Variants in DGKI observed in about 807,000 individuals in gnomAD.
The protein encoded by DGKI is DAG kinase iota.
DGKI carries 55 observed loss-of-function variants against 147.5 expected under a neutral mutation model. The ratio of observed to expected loss-of-function variants is 0.37; its 90% CI spans 0.30 to 0.47. DGKI has a LOEUF of 0.47. Among genes scored for constraint, DGKI ranks in the 20% least tolerant of loss-of-function variants. The pLI is 1.00. For synonymous variants in DGKI, 469 were observed against 477.1 expected, an observed-to-expected ratio of 0.98 and a Z score of 0.22; for missense variants, 1,007 against 1,323.8, an observed-to-expected ratio of 0.76 and a Z score of 3.71.
chr7:137,511,757 T>C (rs1047256488), intron 21 of DGKI, among the ~76,000 whole-genome samples: 1 of 152,206 alleles, frequency 6.6e-6, no homozygotes, highest in African/African-American at 2.4e-5. Flanking sequence ...AATGCATTCA[T>C]GTTAGGATTG....
At chr7:137,773,906 C>T (rs1412495303) in intron 1 of DGKI, among the ~76,000 whole-genome samples, 1 of 152,148 alleles carries the variant, frequency 6.6e-6, no homozygotes, top group Non-Finnish European at 1.5e-5. Context: ...TGATTCAGAT[C>T]CAAGGCTGCC....
intron 19 of DGKI, among the ~76,000 whole-genome samples, chr7:137,557,998 C>T (rs1818283702): frequency 6.6e-6 from 1 of 152,174 alleles, no homozygotes. Flanking sequence ...ATGGGTTGAC[C>T]TCTTTTCAGT....
chr7:137,845,707 T>C (rs894993666), intron 1 of DGKI, among the ~76,000 whole-genome samples: 1 of 152,150 alleles, frequency 6.6e-6, no homozygotes, highest in Admixed American at 6.5e-5. Context: ...AGGCCATTGA[T>C]CCCACACTGT....
intron 30 of DGKI, among the ~76,000 whole-genome samples, chr7:137,406,661 C>T (rs1024291231): frequency 6.6e-6 from 1 of 152,150 alleles, no homozygotes; most frequent in Non-Finnish European, 1.5e-5. Flanking sequence ...TTACTATAAA[C>T]AATTGGCAAA....
At chr7:137,751,821 C>T (rs539086069) in intron 1 of DGKI, among the ~76,000 whole-genome samples, 30 of 152,180 alleles carry the variant, frequency 2.0e-4, no homozygotes, top group African/African-American at 6.7e-4. Context: ...ACTTTATTTA[C>T]AAAAATTGAC....
At chr7:137,403,571 G>T (rs2128896729) in intron 30 of DGKI, among the ~76,000 whole-genome samples, 1 of 152,268 alleles carries the variant, frequency 6.6e-6, no homozygotes, top group East Asian at 1.9e-4. Flanking sequence ...GCTGCAGGAA[G>T]CAAAGGAAGT....
rs1811200244 is a variant in DGKI at position 137,387,172 on chromosome 7, G to A, written c.*4048C>T. The A allele has an allele frequency of 6.6e-6, 1 of 152,078 alleles. No homozygotes were observed. Among genetic ancestry groups the A allele is most frequent in the Admixed American group, 6.6e-5 (1 of 15,242 alleles). The allele number at this position is 152,078 out of a possible 1,614,324, so 9.4% of individuals were successfully genotyped here. A position where few individuals can be genotyped will look rare whatever the true frequency, so the allele number is the denominator to read the frequency against. On this transcript the variant is annotated 3_prime_UTR_variant, in exon 33 of 33. Transcript: ENST00000614521. ...GAGTGTTAGTGTTACAAACAGCCTT[G>A]TAAAGTGGTGTAAGCATCACAGAGG...
In DGKI at chr7:137,618,127, C is replaced by CTATATA. The variant is rs1164221520; in HGVS notation, c.993+1691_993+1696dup. Among the ~76,000 whole-genome samples, 8 of 16,192 alleles carry CTATATA rather than the reference C, an allele frequency of 4.9e-4. 2 individuals are homozygous for CTATATA. Among genetic ancestry groups the CTATATA allele is most frequent in the African/African-American group, 6.9e-4 (8 of 11,542 alleles). The allele number at this position is 16,192 out of a possible 152,430, so 10.6% of individuals were successfully genotyped here. ...TTGCTACTTGTTTCTTTCTAAAATA[C>CTATATA]TATATATATATATATATATATATAT... is the stretch of plus-strand genomic sequence containing the variant. On this transcript the variant is annotated intron_variant, in intron 8 of 32. Transcript: ENST00000614521.
rs182305600 is a variant in DGKI, at chr7:137,533,187, G to A, written c.2148-11221C>T. 3.2e-3 allele frequency among the ~76,000 whole-genome samples: 482 copies of A among 152,152 alleles called. 2 individuals carry two copies. Among genetic ancestry groups the A allele is most frequent in the Middle Eastern group, 0.01 (3 of 294 alleles). On this transcript the variant is annotated intron_variant, in intron 20 of 32. Transcript: ENST00000614521. ...AACTGTTGTCCTAGCTACTCAGGAG[G>A]CTGAGGCGGGAGGATCACTTGAACT...
At chr7:137,743,497 T>C (rs1478136537) in intron 1 of DGKI, among the ~76,000 whole-genome samples, 1 of 152,068 alleles carries the variant, frequency 6.6e-6, no homozygotes, top group Non-Finnish European at 1.5e-5. Flanking sequence ...ACCATAAAAA[T>C]ATATGTAAAC....
At position 137,581,773 on chromosome 7, in the gene DGKI, T is replaced by C. The variant is rs887174648; in HGVS notation, c.1642+77A>G. The C allele has an allele frequency of 2.4e-5, 31 of 1,276,348 alleles. No homozygotes were observed. In the East Asian group the frequency reaches 4.4e-4, roughly 18 times the overall value. The allele number at this position is 1,276,348 out of a possible 1,614,324, so 79.1% of individuals were successfully genotyped here. ...GCACACTGTAAACGCGTAAGTGATA[T>C]ACAAACAAAAGGGAACATGCAAAAC... On this transcript the variant is annotated intron_variant, in intron 15 of 32. Coordinates refer to ENST00000614521, the MANE Select transcript of DGKI (RefSeq NM_001321708.2).
chr7:137,796,162 T>G (rs746687665), intron 1 of DGKI, among the ~76,000 whole-genome samples: 3 of 152,174 alleles, frequency 2.0e-5, no homozygotes, highest in Non-Finnish European at 4.4e-5. Context: ...AGAAACTGCC[T>G]CTGAGAAAGC....
At chr7:137,751,328 C>G (rs1795483294) in intron 1 of DGKI, among the ~76,000 whole-genome samples, 1 of 152,194 alleles carries the variant, frequency 6.6e-6, no homozygotes, top group South Asian at 2.1e-4. Context: ...TATCAGACAT[C>G]TCTGTTATGT....
intron 27 of DGKI, 50 bp downstream of exon 27, chr7:137,463,439 C>T: frequency 1.2e-6 from 2 of 1,604,024 alleles, no homozygotes; most frequent in Non-Finnish European, 1.7e-6. Flanking sequence ...TACATCCTCT[C>T]CCAGCAATCA....
Position 137,523,434 on chromosome 7 carries a change from T to TTCTCTCTC in DGKI, c.2148-1476_2148-1469dup, listed in dbSNP as rs372390366. Among the ~76,000 whole-genome samples, 25 of 150,182 alleles carry TTCTCTCTC rather than the reference T, an allele frequency of 1.7e-4. No homozygotes were observed. The South Asian group carries it at 2.7e-3, about 16-fold the overall frequency. ...CACACATGGTGCATTCTCTCTCTCT[T>TTCTCTCTC]TCTCTCTCTCTCTCTCTCACACACA... is the stretch of plus-strand genomic sequence containing the variant. On this transcript the variant is annotated intron_variant, in intron 20 of 32. Coordinates refer to ENST00000614521, the MANE Select transcript of DGKI (RefSeq NM_001321708.2).
At chr7:137,712,600 T>C (rs1384996609) in intron 1 of DGKI, among the ~76,000 whole-genome samples, 1 of 152,112 alleles carries the variant, frequency 6.6e-6, no homozygotes, top group Non-Finnish European at 1.5e-5. Flanking sequence ...CAATAGCAAA[T>C]GGTATTTAAC....
At chr7:137,445,034 G>A (rs1813661338) in intron 27 of DGKI, among the ~76,000 whole-genome samples, 1 of 152,162 alleles carries the variant, frequency 6.6e-6, no homozygotes, top group Non-Finnish European at 1.5e-5. Flanking sequence ...ATCCATAGCA[G>A]GGAAATGGCC....
chr7:137,489,550 T>A (rs895105796), intron 21 of DGKI, among the ~76,000 whole-genome samples: 1 of 152,170 alleles, frequency 6.6e-6, no homozygotes, highest in Non-Finnish European at 1.5e-5. Context: ...AGTAATCATC[T>A]TCAGCTAGAC....
At chr7:137,651,074 T>TG (rs1462634969) in intron 5 of DGKI, among the ~76,000 whole-genome samples, 5 of 152,220 alleles carry the variant, frequency 3.3e-5, no homozygotes, top group Admixed American at 6.5e-5. Flanking sequence ...TGGAAACCAC[T>TG]GGAGAGTTTT....
Sources: gnomAD v4.1 joint callset for allele counts (sites outside exome capture counted in the v4.1 genomes callset) on GRCh38, gnomAD v4.1.1 for gene constraint, MANE v1.5 for transcripts, NCBI Gene and HGNC (gene_info 2026-07-23, HGNC 2026-07-21) for gene names.